Variants in PABPC4L observed in about 807,000 individuals in gnomAD.
PABPC4L encodes polyadenylate-binding protein 4-like.
For synonymous variants in PABPC4L, 169 were observed against 164.1 expected (o/e 1.03, Z -0.23); for missense variants, 452 against 451.4 (o/e 1.00, Z -0.01).
the PABPC4L span, among the ~76,000 whole-genome samples, chr4:133,957,832 C>A: frequency 1.3e-5 from 2 of 152,192 alleles, no homozygotes; most frequent in Non-Finnish European, 2.9e-5. Context: ...GTGTCCCGAG[C>A]TGTACCCTCG....
chr4:134,029,463 C>A, the PABPC4L span, among the ~76,000 whole-genome samples: 1 of 151,888 alleles, frequency 6.6e-6, no homozygotes, highest in Non-Finnish European at 1.5e-5. Context: ...ATGTTATATT[C>A]TAGCAGGATA....
the PABPC4L span, among the ~76,000 whole-genome samples, chr4:134,092,731 C>T: frequency 6.6e-6 from 1 of 152,102 alleles, no homozygotes; most frequent in African/African-American, 2.4e-5. Flanking sequence ...TCACCTGTAT[C>T]CTCTCCCTCC....
the PABPC4L span, among the ~76,000 whole-genome samples, chr4:134,103,921 C>A: frequency 1.3e-5 from 2 of 151,546 alleles, no homozygotes; most frequent in Non-Finnish European, 3.0e-5. Context: ...GCTTTTTAAT[C>A]AATTTTTTCC....
At chr4:134,169,653 A>T in the PABPC4L span, among the ~76,000 whole-genome samples, 1 of 152,198 alleles carries the variant, frequency 6.6e-6, no homozygotes, top group Non-Finnish European at 1.5e-5. Flanking sequence ...AACAGCAAAC[A>T]ATCTGAAAAA....
At chr4:134,140,596 T>G in the PABPC4L span, among the ~76,000 whole-genome samples, 1 of 151,962 alleles carries the variant, frequency 6.6e-6, no homozygotes, top group Middle Eastern at 3.4e-3. Flanking sequence ...GTGGAATTAA[T>G]GTTAGTAAAA....
chr4:134,162,587 T>A, the PABPC4L span, among the ~76,000 whole-genome samples: 1 of 152,090 alleles, frequency 6.6e-6, no homozygotes, highest in East Asian at 1.9e-4. Flanking sequence ...CACATGGAAA[T>A]TCTTCAAGAT....
chr4:134,162,096 C>T, the PABPC4L span, among the ~76,000 whole-genome samples: 1 of 151,402 alleles, frequency 6.6e-6, no homozygotes, highest in African/African-American at 2.4e-5. Flanking sequence ...AAATAAAATG[C>T]AAGGAATTAA....
chr4:134,099,391 AC>A, the PABPC4L span, among the ~76,000 whole-genome samples: 1 of 151,680 alleles, frequency 6.6e-6, no homozygotes, highest in East Asian at 1.9e-4. Context: ...GAATAAATAT[AC>A]TTAACCTTTA....
chr4:134,201,383 T>C (rs1729877897), intron 1 of PABPC4L, 138 bp from the exon 2 acceptor site: 3 of 1,009,728 alleles, frequency 3.0e-6, no homozygotes, highest in Non-Finnish European at 1.3e-6. Context: ...TGAATAAAAA[T>C]AGGCCTCGCT....
chr4:134,180,856 A>C, the PABPC4L span, among the ~76,000 whole-genome samples: 1 of 151,974 alleles, frequency 6.6e-6, no homozygotes, highest in African/African-American at 2.4e-5. Context: ...TGAACAGATC[A>C]ATAATAAGTT....
chr4:134,003,700 A>C, the PABPC4L span, among the ~76,000 whole-genome samples: 2 of 151,952 alleles, frequency 1.3e-5, no homozygotes, highest in Non-Finnish European at 2.9e-5. Context: ...CTATAGTTGA[A>C]CCAATTATAC....
the PABPC4L span, among the ~76,000 whole-genome samples, chr4:134,174,814 T>C: frequency 2.6e-5 from 4 of 152,156 alleles, no homozygotes; most frequent in Non-Finnish European, 5.9e-5. Context: ...AAATTTTTTA[T>C]ATCACCTTGT....
chr4:134,033,575 C>A, the PABPC4L span, among the ~76,000 whole-genome samples: 2 of 152,036 alleles, frequency 1.3e-5, no homozygotes, highest in East Asian at 3.9e-4. Context: ...TAAAGTGCTA[C>A]TTTAGTGAAC....
chr4:133,997,570 A>C, the PABPC4L span, among the ~76,000 whole-genome samples: 2 of 152,176 alleles, frequency 1.3e-5, no homozygotes, highest in African/African-American at 4.8e-5. Context: ...GGCAAAGTAA[A>C]TTGAAAATCT....
At chr4:134,181,659 C>T in the PABPC4L span, among the ~76,000 whole-genome samples, 3 of 151,988 alleles carry the variant, frequency 2.0e-5, no homozygotes, top group Non-Finnish European at 4.4e-5. Flanking sequence ...ATATGATAAA[C>T]TACTTCAGCA....
chr4:134,005,557 A>G, the PABPC4L span, among the ~76,000 whole-genome samples: 6 of 151,854 alleles, frequency 4.0e-5, no homozygotes, highest in African/African-American at 1.4e-4. Context: ...TGATAATGGC[A>G]TAGTTATGTT....
chr4:134,040,342 G>A, the PABPC4L span, among the ~76,000 whole-genome samples: 1 of 152,044 alleles, frequency 6.6e-6, no homozygotes, highest in African/African-American at 2.4e-5. Flanking sequence ...CAAGCCTACA[G>A]TAACCAAAAC....
At chr4:134,136,199 A>T in the PABPC4L span, among the ~76,000 whole-genome samples, 1 of 152,130 alleles carries the variant, frequency 6.6e-6, no homozygotes, top group Non-Finnish European at 1.5e-5. Flanking sequence ...GTAGTGGTTA[A>T]GTAGACAATC....
At chr4:134,052,167 T>C in the PABPC4L span, among the ~76,000 whole-genome samples, 1 of 152,076 alleles carries the variant, frequency 6.6e-6, no homozygotes, top group African/African-American at 2.4e-5. Context: ...GCTTATGGGA[T>C]ACATCACCTC....
Sources: gnomAD v4.1 joint callset for allele counts (sites outside exome capture counted in the v4.1 genomes callset) on GRCh38, gnomAD v4.1.1 for gene constraint, MANE v1.5 for transcripts, NCBI Gene and HGNC (gene_info 2026-07-23, HGNC 2026-07-21) for gene names.